The following MSH5 variants were observed in gnomAD, a reference collection of about 807,000 sequenced individuals.
The protein encoded by MSH5 is mutS homolog 5.
In MSH5, 78 loss-of-function variants were observed where a neutral mutation model predicts 107.7. That is an observed-to-expected ratio of 0.72 (90% CI 0.60 to 0.87). MSH5 has a LOEUF of 0.87. Among genes scored for constraint, MSH5 ranks in the 40% least tolerant of loss-of-function variants. The pLI, the probability that MSH5 is intolerant of heterozygous loss-of-function variation, is 0.00. For synonymous variants in MSH5, 326 were observed against 399.5 expected (o/e 0.82, Z 2.19); for missense variants, 889 against 1,046.6 (o/e 0.85, Z 2.08).
At chr6:31,762,083 A>G in intron 23 of MSH5, 29 bp from the exon 24 acceptor site, 1 of 1,611,548 alleles carries the variant, frequency 6.2e-7, no homozygotes, top group Non-Finnish European at 8.5e-7. Context: ...CACTCCCCTT[A>G]CTCCTCCCAC....
chr6:31,745,416 C>T, intron 9 of MSH5, 97 bp downstream of exon 9: 2 of 819,876 alleles, frequency 2.4e-6, no homozygotes, highest in African/African-American at 3.4e-5. Context: ...CACTTCACTC[C>T]CATTGTCAGA....
At chr6:31,762,295 C>T in intron 24 of MSH5, 110 bp downstream of exon 24, 2 of 1,393,664 alleles carry the variant, frequency 1.4e-6, no homozygotes, top group Non-Finnish European at 2.0e-6. Flanking sequence ...CAGAAACCCA[C>T]CATTTCTTTC....
In MSH5 at chr6:31,760,907, C is replaced by T. The variant is rs954708841; in HGVS notation, c.1962+68C>T. The T allele has an allele frequency of 3.3e-6, 5 of 1,536,426 alleles. No homozygotes were observed. In the African/African-American group the frequency reaches 5.5e-5, roughly 17 times the overall value. On this transcript the variant is annotated intron_variant, in intron 20 of 24. Transcript: ENST00000375750. This position sits in a 1 kb window ranked among gnomAD's most constrained non-coding sequence, Gnocchi z 5.6. ...TGGGAAAGGAACCCCTGAAAATGCT[C>T]ATAACAGGAAAGCATGCCCTCTGCT...
At position 31,762,400 on chromosome 6, in the gene MSH5, C is replaced by T. The variant is rs749425767; in HGVS notation, c.2394-20C>T. On this transcript the variant is annotated intron_variant, in intron 24 of 24. Transcript: ENST00000375750. Reference sequence around the variant, plus strand: ...GTTGTCCATTCTGCCATAAATCTTGCGATTTTCTCTCTTCTTCAGTTGCCA... The same window carrying T: ...GTTGTCCATTCTGCCATAAATCTTGTGATTTTCTCTCTTCTTCAGTTGCCA... The T allele has an allele frequency of 1.4e-5, 22 of 1,576,010 alleles. No homozygotes were observed. Among genetic ancestry groups the T allele is most frequent in the South Asian group, 1.0e-4 (9 of 90,208 alleles).
chr6:31,759,989 C>CG lies in MSH5; in HGVS notation c.1685+17dup, dbSNP rs772741850. The CG allele has an allele frequency of 6.2e-7, 1 of 1,613,492 alleles. No individual in the cohort carries two copies. Among genetic ancestry groups the CG allele is most frequent in the Non-Finnish European group, 8.5e-7 (1 of 1,179,848 alleles). ...CCAGAATGGCAGGTAAGAATAGAGG[C>CG]GGGTGGAGGAATAGACATGAGGGGC... On this transcript the variant is annotated intron_variant, in intron 18 of 24. Coordinates refer to ENST00000375750, the MANE Select transcript of MSH5 (RefSeq NM_172166.4). The surrounding 1 kb of genome is among the most constrained non-coding windows in gnomAD (Gnocchi z 4.7).
rs1191323707 is a variant in MSH5 at position 31,753,422 on chromosome 6, C to A, written c.934C>A (p.His312Asn). The A allele has an allele frequency of 6.2e-7, 1 of 1,613,928 alleles. No homozygotes were observed. Among genetic ancestry groups the A allele is most frequent in the Admixed American group, 1.7e-5 (1 of 59,992 alleles). The change falls in exon 11 of 25, where the codon CAC (histidine) becomes AAC (asparagine). Residue 312 changes from histidine to asparagine, a missense_variant. Transcript: ENST00000375750. ...MAQMLHRLLG[H>N]IKNVPLILKR... ...TCAGATGCTGCATCGGCTCCTGGGTCACATCAAGAACGTGCCTGTGAGCCC... is the reference window on the plus strand; with the variant it reads ...TCAGATGCTGCATCGGCTCCTGGGTAACATCAAGAACGTGCCTGTGAGCCC...
In MSH5 at chr6:31,758,728, A is replaced by C. The variant is rs1810678537; in HGVS notation, c.1217-38A>C. On this transcript the variant is annotated intron_variant, in intron 14 of 24. Coordinates refer to ENST00000375750, the MANE Select transcript of MSH5 (RefSeq NM_172166.4). The surrounding 1 kb of genome is among the most constrained non-coding windows in gnomAD (Gnocchi z 5.1). ...ATCTTCATAGCAACCAGGGCAGGAG[A>C]CTCACTTTTGATAACCACGTGTCTT... The C allele has an allele frequency of 1.2e-6, 2 of 1,610,080 alleles. No individual in the cohort carries two copies. The highest frequency in any genetic ancestry group is 1.7e-6 in the Non-Finnish European group (2 of 1,176,638).
intron 9 of MSH5, chr6:31,746,242 A>T (rs1313055031): frequency 6.6e-6 from 1 of 151,760 alleles, no homozygotes; most frequent in African/African-American, 2.4e-5. Context: ...GATTACAGGC[A>T]CCTGCCACCA....
At chr6:31,745,103 C>CAAAAAA (rs9279403) in intron 8 of MSH5, 134 bp from the exon 9 acceptor site, 17 of 359,938 alleles carry the variant, frequency 4.7e-5, no homozygotes, top group East Asian at 6.4e-5. Flanking sequence ...GACTCCATCT[C>CAAAAAA]AAAAAAAAAA....
chr6:31,758,397 A>G lies in MSH5; in HGVS notation c.1143+104A>G. The G allele has an allele frequency of 2.5e-6, 4 of 1,573,898 alleles. No homozygotes were observed. Among genetic ancestry groups the G allele is most frequent in the Non-Finnish European group, 3.5e-6 (4 of 1,151,252 alleles). On this transcript the variant is annotated intron_variant, in intron 13 of 24. Coordinates refer to ENST00000375750, the MANE Select transcript of MSH5 (RefSeq NM_172166.4). The surrounding 1 kb of genome is among the most constrained non-coding windows in gnomAD (Gnocchi z 5.1). ...AGATATTGAGGTCAATTGGATAAAG[A>G]ATGGGATGGTGGGAGGAGGCAGCAG...
chr6:31,762,138 AC>A lies in MSH5; in HGVS notation c.2349del (p.Ile784SerfsTer8), dbSNP rs1295036218. 1 of 1,614,044 alleles carries A rather than the reference AC, an allele frequency of 6.2e-7. No homozygotes were observed. Among genetic ancestry groups the A allele is most frequent in the South Asian group, 1.1e-5 (1 of 91,080 alleles). ...TCTCAGACTTGATCCGCAGTGGAAAACCCATCAAGCCTGTCAAGGATTTGCT... is the reference window on the plus strand; with the variant it reads ...TCTCAGACTTGATCCGCAGTGGAAAACCATCAAGCCTGTCAAGGATTTGCT... ...EVSDLIRSGK[P>X]IKPVKDLLKK... is the part of the protein sequence containing the mutation. On this transcript the variant is annotated frameshift_variant, in exon 24 of 25. Coordinates refer to ENST00000375750, the MANE Select transcript of MSH5 (RefSeq NM_172166.4). LOFTEE classifies it high-confidence loss of function.
chr6:31,745,252 T>A lies in MSH5; in HGVS notation c.699T>A (p.Phe233Leu). ...TCCTCGACAGTGTTCTACAGATTTT[T>A]AAGAGTGAGTCTCACCCCTCAGTGT... ...DQDTYSVLQI[F>L]KSESHPSVYK... The change falls in exon 9 of 25, where the codon TTT becomes TTA. Residue 233 changes from phenylalanine (F) to leucine (L), a missense_variant. Transcript: ENST00000375750. 6.2e-7 allele frequency: 1 copy of A among 1,612,750 alleles called. No homozygotes were observed. Among genetic ancestry groups the A allele is most frequent in the Non-Finnish European group, 8.5e-7 (1 of 1,178,782 alleles).
rs17201109 is a variant in MSH5, at chr6:31,750,618, G to T, written c.813-2683G>T. ...GAGATACCTAAGTGTTTAGTGCAGC[G>T]CATGTGCTTTCTAAAGTGGGGATGG... On this transcript the variant is annotated intron_variant, in intron 10 of 24. Coordinates refer to ENST00000375750, the MANE Select transcript of MSH5 (RefSeq NM_172166.4). Among the ~76,000 whole-genome samples the T allele has an allele frequency of 2.0e-3, 297 of 152,304 alleles. 1 individual carries two copies. The highest frequency in any genetic ancestry group is 4.1e-3 in the Admixed American group (62 of 15,298).
At chr6:31,749,919 A>G (rs1150793) in intron 10 of MSH5, among the ~76,000 whole-genome samples, 16,432 of 152,220 alleles carry the variant, frequency 0.11, 1,206 homozygotes, top group African/African-American at 0.2. Flanking sequence ...TGCAATATGT[A>G]TCTTGTAGGA....
In MSH5 at chr6:31,758,992, T is replaced by A; in HGVS notation, c.1327-105T>A. ...GGGGCAGCCTGAAGAACATGAACAC[T>A]TTTTTGTGGGGATACAGGGATCTTT... On this transcript the variant is annotated intron_variant, in intron 15 of 24. Transcript: ENST00000375750. This position sits in a 1 kb window ranked among gnomAD's most constrained non-coding sequence, Gnocchi z 5.1. 1 of 1,417,334 alleles carries A rather than the reference T, an allele frequency of 7.1e-7. No individual in the cohort carries two copies. The highest frequency in any genetic ancestry group is 1.0e-6 in the Non-Finnish European group (1 of 1,003,140). The allele number at this position is 1,417,334 out of a possible 1,614,324, so 87.8% of individuals were successfully genotyped here.
intron 11 of MSH5, 53 bp from the exon 12 acceptor site, chr6:31,753,514 G>A: frequency 6.2e-7 from 1 of 1,613,692 alleles, no homozygotes; most frequent in Admixed American, 1.7e-5. Context: ...CTTCTTGAGG[G>A]GCATTAGAGT....
In MSH5 at chr6:31,761,626, C is replaced by T. The variant is rs1562251189; in HGVS notation, c.2181+11C>T. On this transcript the variant is annotated intron_variant, in intron 22 of 24. Coordinates refer to ENST00000375750, the MANE Select transcript of MSH5 (RefSeq NM_172166.4). This position sits in a 1 kb window ranked among gnomAD's most constrained non-coding sequence, Gnocchi z 5.3. ...CTGGTGCAGTATTTGGTGAGGAGACCAATCTAGCTCCTCGGGGACCCCCAG... is the reference window on the plus strand; with the variant it reads ...CTGGTGCAGTATTTGGTGAGGAGACTAATCTAGCTCCTCGGGGACCCCCAG... 1.2e-6 allele frequency: 2 copies of T among 1,614,058 alleles called. No homozygotes were observed. The highest frequency in any genetic ancestry group is 1.7e-6 in the Non-Finnish European group (2 of 1,180,028).
Position 31,760,198 on chromosome 6 carries a change from G to C in MSH5, c.1794G>C (p.Lys598Asn), listed in dbSNP as rs1318481233. 18 of 1,608,144 alleles carry C rather than the reference G, an allele frequency of 1.1e-5. No individual in the cohort carries two copies. The highest frequency in any genetic ancestry group is 1.4e-5 in the Non-Finnish European group (17 of 1,177,474). ...TCACTGGACCCAACTCATCAGGGAA[G>C]AGCATATACCTCAAACAGGTGAGGA... is the stretch of plus-strand genomic sequence containing the variant. ...KVITGPNSSGKSIYLKQVGLI... is the reference protein window; with the variant it reads ...KVITGPNSSGNSIYLKQVGLI... The change falls in exon 19 of 25, where the codon AAG (lysine) becomes AAC (asparagine). Residue 598 changes from lysine (K) to asparagine (N), a missense_variant. Physicochemically the swap from Lys to Asn is moderately conservative, Grantham distance 94. Around this residue, in one of 3 missense-constraint regions of MSH5, gnomAD observed 362 missense variants for 456.2 expected, o/e 0.79. Transcript: ENST00000375750. The surrounding 1 kb of genome is among the most constrained non-coding windows in gnomAD (Gnocchi z 5.6).
Position 31,740,490 on chromosome 6 carries a change from A to C in MSH5, c.24A>C (p.Pro8=). The C allele has an allele frequency of 6.4e-7, 1 of 1,568,322 alleles. No individual in the cohort carries two copies. The highest frequency in any genetic ancestry group is 8.6e-7 in the Non-Finnish European group (1 of 1,156,288). Residue 8 remains proline, a synonymous_variant, in exon 2 of 25, where the codon CCA becomes CCC. Coordinates refer to ENST00000375750, the MANE Select transcript of MSH5 (RefSeq NM_172166.4). This position sits in a 1 kb window ranked among gnomAD's most constrained non-coding sequence, Gnocchi z 4.4. The part of the protein sequence containing the change: MASLGAN[P]RRTPQGPRPG... ...TCATGGCCTCCTTAGGAGCGAACCC[A>C]AGGAGGACACCGCAGGGACCGAGAC...
Sources: allele counts gnomAD v4.1 joint callset (sites outside exome capture counted in the v4.1 genomes callset), GRCh38; gene constraint gnomAD v4.1.1; regional missense constraint gnomAD v4.1.1; non-coding constraint Gnocchi (gnomAD v3.1); transcripts MANE v1.5; gene names NCBI Gene and HGNC (gene_info 2026-07-23, HGNC 2026-07-21).